The following CPD variants were observed in gnomAD, a reference collection of about 807,000 sequenced individuals.
The protein encoded by CPD is carboxypeptidase D.
In CPD, 69 loss-of-function variants were observed where a neutral mutation model predicts 138.3. The observed-to-expected ratio is 0.50, with a 90% CI of 0.41 to 0.61. The LOEUF (loss-of-function observed/expected upper bound fraction) is 0.61. Ranked by LOEUF, CPD falls within the 20% of genes least tolerant of loss-of-function variation. CPD has a pLI of 0.00. For missense variants in CPD, 1,432 were observed against 1,733.3 expected (o/e 0.83, Z 3.09); for synonymous variants, 651 against 642.1 (o/e 1.01, Z -0.21).
At position 30,469,737 on chromosome 17, in the gene CPD, G is replaced by A. The variant is rs1009714721; in HGVS notation, c.*4923G>A. 5 of 152,170 alleles carry A rather than the reference G, an allele frequency of 3.3e-5. No individual in the cohort carries two copies. Among genetic ancestry groups the A allele is most frequent in the Non-Finnish European group, 5.9e-5 (4 of 68,018 alleles). 9.4% of individuals were successfully genotyped at this position (152,170 alleles called of 1,614,324 possible). On this transcript the variant is annotated 3_prime_UTR_variant, in exon 21 of 21. Transcript: ENST00000225719. ...AGATGCTTCATATTTGTTTTTAAAT[G>A]AAATTAAGTTGTATTTATGCTTCTT...
chr17:30,461,077 G>A (rs1913458313), intron 17 of CPD, 103 bp from the exon 18 acceptor site: 1 of 836,668 alleles, frequency 1.2e-6, no homozygotes, highest in African/African-American at 1.7e-5. Flanking sequence ...GTTTACGTCA[G>A]CTACGTTTTC....
chr17:30,386,238 A>G (rs1168104054), intron 2 of CPD, among the ~76,000 whole-genome samples: 1 of 152,066 alleles, frequency 6.6e-6, no homozygotes, highest in Non-Finnish European at 1.5e-5. Flanking sequence ...TGTGTTGCCG[A>G]GGCTGATCTC....
chr17:30,422,704 G>A lies in CPD; in HGVS notation c.1338G>A (p.Val446=), dbSNP rs770979521. The A allele has an allele frequency of 1.2e-5, 19 of 1,612,576 alleles. No homozygotes were observed. In the Middle Eastern group the frequency reaches 1.2e-3, roughly 98 times the overall value. ...TGCCATTGACTGTTACTAATGTAGT[G>A]GTGAAAGAAGGACCAGCCACAGAGG... The part of the protein sequence containing the change: ...GYMPLTVTNV[V]VKEGPATEVD... The change falls in exon 5 of 21, where the codon GTG becomes GTA. Residue 446 remains valine, a synonymous_variant. Coordinates refer to ENST00000225719, the MANE Select transcript of CPD (RefSeq NM_001304.5).
chr17:30,397,998 T>C (rs1156269214), intron 2 of CPD, among the ~76,000 whole-genome samples: 2 of 149,224 alleles, frequency 1.3e-5, no homozygotes, highest in African/African-American at 4.9e-5. Context: ...GGCAAAATAG[T>C]GAGACACTGT....
At chr17:30,388,503 G>A (rs969450957) in intron 2 of CPD, among the ~76,000 whole-genome samples, 4 of 152,216 alleles carry the variant, frequency 2.6e-5, no homozygotes, top group African/African-American at 9.7e-5. Flanking sequence ...AAGCATGTGC[G>A]TACCCCTCCG....
chr17:30,463,035 G>A (rs1297141882), intron 20 of CPD, among the ~76,000 whole-genome samples: 1 of 152,152 alleles, frequency 6.6e-6, no homozygotes, highest in Non-Finnish European at 1.5e-5. Context: ...CTTCATTCCG[G>A]TAAACCCACA....
At chr17:30,444,404 T>C (rs569255978) in intron 11 of CPD, among the ~76,000 whole-genome samples, 2 of 152,278 alleles carry the variant, frequency 1.3e-5, no homozygotes, top group South Asian at 2.1e-4. Context: ...GAAGTGTTAG[T>C]TGATGAAGCA....
At chr17:30,460,052 T>A (rs1000838659) in intron 17 of CPD, among the ~76,000 whole-genome samples, 3 of 152,206 alleles carry the variant, frequency 2.0e-5, no homozygotes, top group African/African-American at 7.2e-5. Flanking sequence ...TGATTTGATC[T>A]GGAAGAGAGC....
rs558201013 is a variant in CPD, at chr17:30,455,344, G to T, written c.3211G>T (p.Ala1071Ser). ...KDLDTDFTNNASQPETKAIIE... is the reference protein window; with the variant it reads ...KDLDTDFTNNSSQPETKAIIE... ...TTGACTTTTCTCTTTTTTAGATAAT[G>T]CCTCCCAACCTGAGACCAAAGCCAT... Residue 1071 changes from alanine to serine, a missense_variant, in exon 15 of 21, where the codon GCC becomes TCC. This residue lies in a region of CPD where 366 missense variants were observed against 518.8 expected (regional missense o/e 0.71). Coordinates refer to ENST00000225719, the MANE Select transcript of CPD (RefSeq NM_001304.5). 6.3e-7 allele frequency: 1 copy of T among 1,596,342 alleles called. No individual in the cohort carries two copies. Among genetic ancestry groups the T allele is most frequent in the Non-Finnish European group, 8.5e-7 (1 of 1,174,418 alleles).
intron 8 of CPD, among the ~76,000 whole-genome samples, chr17:30,437,112 TTGGAGTGGGGGTGGGGAG>T (rs1029739720): frequency 1.3e-5 from 2 of 151,600 alleles, no homozygotes; most frequent in African/African-American, 4.9e-5. Flanking sequence ...TGCCTAGGGT[TTGGAGTGGGGGTGGGGAG>T]TAGGGGTTGG....
At chr17:30,414,256 G>A (rs1912045564) in intron 2 of CPD, among the ~76,000 whole-genome samples, 1 of 152,190 alleles carries the variant, frequency 6.6e-6, no homozygotes, top group South Asian at 2.1e-4. Context: ...AAAACGGCAA[G>A]GGCAGGAACA....
In CPD at chr17:30,467,706, G is replaced by A. The variant is rs1050845960; in HGVS notation, c.*2892G>A. The A allele has an allele frequency of 6.6e-6, 1 of 152,108 alleles. No homozygotes were observed. Among genetic ancestry groups the A allele is most frequent in the Admixed American group, 6.5e-5 (1 of 15,272 alleles). 9.4% of individuals were successfully genotyped at this position (152,108 alleles called of 1,614,324 possible). ...GGTAGTGTTTATGTCTGAGCTTATT[G>A]TGTTTGAGCTAACACCAGGTTACTC... On this transcript the variant is annotated 3_prime_UTR_variant, in exon 21 of 21. Transcript: ENST00000225719.
At position 30,445,996 on chromosome 17, in the gene CPD, A is replaced by G. The variant is rs1567881140; in HGVS notation, c.2849A>G (p.Tyr950Cys). 1.9e-6 allele frequency: 3 copies of G among 1,607,912 alleles called. No individual in the cohort carries two copies. Among genetic ancestry groups the G allele is most frequent in the Non-Finnish European group, 8.5e-7 (1 of 1,177,508 alleles). ...TTTCTGAGAGGACTTGTAATGAACT[A>G]TCCACATATTACAAATCTTACCAAG... The part of the protein sequence containing the change: ...SEFLRGLVMN[Y>C]PHITNLTNLG... Residue 950 changes from tyrosine to cysteine, a missense_variant, in exon 12 of 21, where the codon TAT becomes TGT. Around this residue, in one of 6 missense-constraint regions of CPD, gnomAD observed 124 missense variants for 117.0 expected, o/e 1.06. Coordinates refer to ENST00000225719, the MANE Select transcript of CPD (RefSeq NM_001304.5).
chr17:30,409,424 G>A (rs1004952327), intron 2 of CPD, among the ~76,000 whole-genome samples: 2 of 152,288 alleles, frequency 1.3e-5, no homozygotes, highest in Admixed American at 6.5e-5. Flanking sequence ...AATAGTTTCA[G>A]AAGGAATGGT....
At chr17:30,407,404 A>G (rs1254179529) in intron 2 of CPD, among the ~76,000 whole-genome samples, 1 of 152,164 alleles carries the variant, frequency 6.6e-6, no homozygotes, top group Non-Finnish European at 1.5e-5. Flanking sequence ...GACTTCCACA[A>G]TGGTTGAACT....
At chr17:30,411,749 GCCA>G (rs1336437890) in intron 2 of CPD, among the ~76,000 whole-genome samples, 1 of 152,136 alleles carries the variant, frequency 6.6e-6, no homozygotes, top group African/African-American at 2.4e-5. Flanking sequence ...ATTCTAGTTA[GCCA>G]TTCGTCTAAC....
chr17:30,413,614 G>A (rs1490428814), intron 2 of CPD, among the ~76,000 whole-genome samples: 1 of 152,192 alleles, frequency 6.6e-6, no homozygotes, highest in Non-Finnish European at 1.5e-5. Flanking sequence ...GCTACTATGT[G>A]GCAGGTACTG....
chr17:30,442,156 G>T lies in CPD; in HGVS notation c.2231-152G>T, dbSNP rs532302821. The T allele has an allele frequency of 2.3e-5, 13 of 555,822 alleles. 1 individual carries two copies. Among genetic ancestry groups the T allele is most frequent in the African/African-American group, 2.1e-4 (11 of 52,798 alleles). 34.4% of individuals were successfully genotyped at this position (555,822 alleles called of 1,614,324 possible). A position where few individuals can be genotyped will look rare whatever the true frequency, so the allele number is the denominator to read the frequency against. ...AAGGTATAGGTGTTTTGCTTGTATC[G>T]CAAGCATCAAAGTGCCCTCACATGA... On this transcript the variant is annotated intron_variant, in intron 9 of 20. Transcript: ENST00000225719.
At chr17:30,385,381 A>G (rs1305278447) in intron 2 of CPD, 145 bp downstream of exon 2, 1 of 967,304 alleles carries the variant, frequency 1.0e-6, no homozygotes, top group Non-Finnish European at 1.5e-6. Flanking sequence ...AATCTACAGC[A>G]AAATTGAAGG....
Sources: gnomAD v4.1 joint callset for allele counts (sites outside exome capture counted in the v4.1 genomes callset) on GRCh38, gnomAD v4.1.1 for gene constraint, gnomAD v4.1.1 regional missense constraint, MANE v1.5 for transcripts, NCBI Gene and HGNC (gene_info 2026-07-23, HGNC 2026-07-21) for gene names.